Variants in DHX32 observed in about 807,000 individuals in gnomAD.
DHX32 encodes the protein DEAH-box helicase 32 (putative).
In DHX32, 51 loss-of-function variants were observed where a neutral mutation model predicts 70.0. The ratio of observed to expected loss-of-function variants is 0.73; its 90% confidence interval spans 0.58 to 0.92. DHX32 has a LOEUF of 0.92. DHX32 is among the 40% of genes least tolerant of loss of function. DHX32 has a pLI of 0.00. For missense variants in DHX32, 762 were observed against 891.8 expected, an observed-to-expected ratio of 0.85 and a Z score of 1.85; for synonymous variants, 310 against 315.3, an observed-to-expected ratio of 0.98 and a Z score of 0.18.
Position 125,836,803 on chromosome 10 carries a change from T to TTTCA in DHX32, c.2112_2115dup (p.Ser706Ter). 1 of 1,614,170 alleles carries TTTCA rather than the reference T, an allele frequency of 6.2e-7. No homozygotes were observed. The highest frequency in any genetic ancestry group is 8.5e-7 in the Non-Finnish European group (1 of 1,180,006). On this transcript the variant is annotated stop_gained and frameshift_variant, in exon 11 of 11. Transcript: ENST00000284690. LOFTEE classifies it low-confidence loss of function (END_TRUNC). ...ACTACTTGCTGTAGAATGTCCTTAC[T>TTTCA]TTCACTAGGAGGCAGATTACTGAAA...
At chr10:125,853,037 T>G (rs2134045631) in intron 4 of DHX32, 1 of 945,914 alleles carries the variant, frequency 1.1e-6, no homozygotes, top group East Asian at 2.5e-5. Context: ...ATCTTGGTGG[T>G]CTCACCTTTA....
chr10:125,879,335 TAAAC>T (rs542372564), intron 1 of DHX32, among the ~76,000 whole-genome samples: 199 of 152,140 alleles, frequency 1.3e-3, no homozygotes, highest in Middle Eastern at 3.4e-3. Context: ...ACTATCCCGT[TAAAC>T]AAACAAACAA....
chr10:125,881,134 A>C lies in DHX32; in HGVS notation c.-310T>G. 3.8e-6 allele frequency: 1 copy of C among 262,666 alleles called. No homozygotes were observed. Among genetic ancestry groups the C allele is most frequent in the East Asian group, 7.0e-5 (1 of 14,362 alleles). The allele number at this position is 262,666 out of a possible 1,614,324, so 16.3% of individuals were successfully genotyped here. On this transcript the variant is annotated 5_prime_UTR_variant, in exon 1 of 11. Transcript: ENST00000284690. ...GGAACACATATAAGTTAAAAAGAAA[A>C]TGCACAGGAGTTCAAATGAAAAGCA...
chr10:125,839,287 T>C, intron 8 of DHX32, 99 bp from the exon 9 acceptor site: 1 of 1,279,896 alleles, frequency 7.8e-7, no homozygotes, highest in South Asian at 1.5e-5. Flanking sequence ...TGTGCTCTCC[T>C]CTCCTACAAA....
At chr10:125,842,663 C>G (rs1452459968) in intron 6 of DHX32, 1 of 188,548 alleles carries the variant, frequency 5.3e-6, no homozygotes, top group Non-Finnish European at 9.9e-6. Context: ...GTCTAGCATC[C>G]AGTAGAGAGG....
chr10:125,860,065 T>C (rs1228012962), intron 2 of DHX32, 90 bp from the exon 3 acceptor site: 2 of 1,208,240 alleles, frequency 1.7e-6, no homozygotes, highest in Non-Finnish European at 2.2e-6. Flanking sequence ...CCTATATTCA[T>C]TTCTCTAAAT....
At chr10:125,839,303 C>T in intron 8 of DHX32, 115 bp from the exon 9 acceptor site, 1 of 1,055,938 alleles carries the variant, frequency 9.5e-7, no homozygotes. Context: ...ACAAAGGAGG[C>T]CACGTAGGTG....
At chr10:125,893,987 A>C (rs2380022) in intron 1 of DHX32, among the ~76,000 whole-genome samples, 1 of 126,166 alleles carries the variant, frequency 7.9e-6, no homozygotes, top group African/African-American at 2.7e-5. Context: ...CTTCATTGTT[A>C]CTTTGTTATT....
At chr10:125,854,831 G>A (rs1160057998) in intron 3 of DHX32, 2 of 152,202 alleles carry the variant, frequency 1.3e-5, no homozygotes, top group Non-Finnish European at 2.9e-5. Context: ...CCTAATGAGT[G>A]AAAACTTGCC....
intron 2 of DHX32, among the ~76,000 whole-genome samples, chr10:125,863,964 C>T (rs1456814700): frequency 6.6e-6 from 1 of 152,134 alleles, no homozygotes; most frequent in African/African-American, 2.4e-5. Flanking sequence ...GTATATTAAT[C>T]GTCCACATTT....
intron 2 of DHX32, among the ~76,000 whole-genome samples, chr10:125,865,531 G>A (rs1282892720): frequency 6.6e-6 from 1 of 152,082 alleles, no homozygotes; most frequent in Non-Finnish European, 1.5e-5. Context: ...TGAGCCCCAT[G>A]GGCTTTCTTT....
Position 125,859,848 on chromosome 10 carries a change from TAAG to T in DHX32, c.601_603del (p.Leu201del). On this transcript the variant is annotated inframe_deletion, in exon 3 of 11. Transcript: ENST00000284690. The stretch of plus-strand genomic sequence containing the variant: ...TCTGGTCTTGCTAGTAAAACATCTT[TAAG>T]AAGTCCAAGTAACACATCAGTTGCA... 1 of 1,614,094 alleles carries T rather than the reference TAAG, an allele frequency of 6.2e-7. No homozygotes were observed. Among genetic ancestry groups the T allele is most frequent in the South Asian group, 1.1e-5 (1 of 91,078 alleles).
chr10:125,878,417 C>T (rs1367501766), intron 1 of DHX32, among the ~76,000 whole-genome samples: 1 of 152,174 alleles, frequency 6.6e-6, no homozygotes, highest in East Asian at 1.9e-4. Context: ...GCCATCTCAT[C>T]TTAACAGGGT....
intron 2 of DHX32, among the ~76,000 whole-genome samples, chr10:125,864,131 G>GGTCT (rs1381962801): frequency 3.9e-5 from 6 of 152,144 alleles, no homozygotes; most frequent in Admixed American, 3.9e-4. Context: ...TTATCATAGG[G>GGTCT]GTCTTTTCAA....
chr10:125,893,279 T>G (rs61871896), intron 1 of DHX32, among the ~76,000 whole-genome samples: 1,920 of 124,132 alleles, frequency 0.015, no homozygotes, highest in South Asian at 0.025. Context: ...AGTCTTGCTC[T>G]GTCACCCAGG....
chr10:125,848,506 T>G (rs1282187714), intron 6 of DHX32, among the ~76,000 whole-genome samples: 1 of 152,188 alleles, frequency 6.6e-6, no homozygotes, highest in Non-Finnish European at 1.5e-5. Context: ...AGTGAGGTTT[T>G]GAACTTGGGC....
intron 6 of DHX32, among the ~76,000 whole-genome samples, chr10:125,844,104 C>G (rs1854949785): frequency 6.6e-6 from 1 of 152,112 alleles, no homozygotes; most frequent in Non-Finnish European, 1.5e-5. Context: ...CTTGAGAAAT[C>G]ACAATCATGG....
In DHX32 at chr10:125,852,639, ACAC is replaced by A; in HGVS notation, c.1093_1095del (p.Val365del). 1 of 1,606,432 alleles carries A rather than the reference ACAC, an allele frequency of 6.2e-7. No homozygotes were observed. Among genetic ancestry groups the A allele is most frequent in the Non-Finnish European group, 8.5e-7 (1 of 1,177,528 alleles). On this transcript the variant is annotated inframe_deletion and splice_region_variant, in exon 5 of 11. Transcript: ENST00000284690. ...GAGTTTGCTCTTATTCTCGGGTTGT[ACAC>A]CTTTAAATGGAAAGACAGCATCATT...
chr10:125,895,289 G>A (rs12411899), intron 1 of DHX32, among the ~76,000 whole-genome samples: 1 of 151,756 alleles, frequency 6.6e-6, no homozygotes, highest in African/African-American at 2.4e-5. Flanking sequence ...GGCAAGATTA[G>A]TAATCACTTC....
Sources: gnomAD v4.1 joint callset for allele counts (sites outside exome capture counted in the v4.1 genomes callset) on GRCh38, gnomAD v4.1.1 for gene constraint, MANE v1.5 for transcripts, NCBI Gene and HGNC (gene_info 2026-07-23, HGNC 2026-07-21) for gene names.